RBFOX1: variants seen among roughly 807,000 people sequenced by gnomAD.
RBFOX1 encodes the protein RNA binding protein fox-1 homolog 1.
RBFOX1 carries 8 observed loss-of-function variants against 57.7 expected under a neutral mutation model. The observed-to-expected ratio is 0.14, with a 90% confidence interval of 0.08 to 0.25. The LOEUF is 0.25. Ranked by LOEUF, RBFOX1 falls within the 10% of genes least tolerant of loss-of-function variation. RBFOX1 has a pLI of 1.00. For missense variants in RBFOX1, 611 were observed against 548.5 expected, an observed-to-expected ratio of 1.11 and a Z score of -1.14; for synonymous variants, 326 against 222.4, an observed-to-expected ratio of 1.47 and a Z score of -4.15.
chr16:7,573,366 G>A (rs903446166), intron 5 of RBFOX1, among the ~76,000 whole-genome samples: 1 of 152,116 alleles, frequency 6.6e-6, no homozygotes, highest in African/African-American at 2.4e-5. Context: ...CCAGGTTGGA[G>A]ACCACTGAGA....
chr16:6,730,970 G>A (rs1056646053), intron 3 of RBFOX1, among the ~76,000 whole-genome samples: 1 of 152,138 alleles, frequency 6.6e-6, no homozygotes, highest in Non-Finnish European at 1.5e-5. Flanking sequence ...ACAGCAGTGA[G>A]GAAACACTGC....
At chr16:6,704,027 C>G (rs1174026017) in intron 3 of RBFOX1, 1 of 152,382 alleles carries the variant, frequency 6.6e-6, no homozygotes, top group East Asian at 1.9e-4. Context: ...TACTTCCTTG[C>G]TCTCCATCTA....
chr16:7,510,900 C>A (rs1406736017), intron 4 of RBFOX1, among the ~76,000 whole-genome samples: 1 of 152,154 alleles, frequency 6.6e-6, no homozygotes, highest in Non-Finnish European at 1.5e-5. Context: ...TTGACAATTC[C>A]TGTGCATGTC....
intron 4 of RBFOX1, among the ~76,000 whole-genome samples, chr16:7,435,884 G>A (rs777118926): frequency 6.6e-6 from 1 of 152,188 alleles, no homozygotes; most frequent in African/African-American, 2.4e-5. Context: ...GTATGTGTGT[G>A]TGTGTTTTCC....
At chr16:7,275,611 A>G (rs534802141) in intron 4 of RBFOX1, among the ~76,000 whole-genome samples, 1 of 151,592 alleles carries the variant, frequency 6.6e-6, no homozygotes, top group East Asian at 1.9e-4. Flanking sequence ...TTTAGATGGT[A>G]GGTTGGATTG....
At chr16:6,886,342 G>T (rs942226925) in intron 3 of RBFOX1, among the ~76,000 whole-genome samples, 1 of 152,010 alleles carries the variant, frequency 6.6e-6, no homozygotes, top group African/African-American at 2.4e-5. Context: ...GATTACTGGC[G>T]TGAGTCACTG....
At chr16:5,905,380 A>C (rs1437821726) in intron 4 of RBFOX1, among the ~76,000 whole-genome samples, 1 of 151,976 alleles carries the variant, frequency 6.6e-6, no homozygotes, top group African/African-American at 2.4e-5. Flanking sequence ...AGGAGAGATG[A>C]TTAGGACACA....
intron 1 of RBFOX1, among the ~76,000 whole-genome samples, chr16:6,041,910 C>G (rs1026428720): frequency 2.0e-5 from 3 of 152,130 alleles, no homozygotes; most frequent in Non-Finnish European, 4.4e-5. Flanking sequence ...TGTGTTCTCA[C>G]TTGCAATCAT....
intron 4 of RBFOX1, among the ~76,000 whole-genome samples, chr16:7,199,931 A>G (rs2087873429): frequency 6.6e-6 from 1 of 151,376 alleles, no homozygotes; most frequent in South Asian, 2.1e-4. Context: ...CAACAACAAC[A>G]AAGAAATTAG....
At chr16:5,603,744 GT>G (rs2047450300), downstream of RBFOX1, among the ~76,000 whole-genome samples, 1 of 152,196 alleles carries the variant, frequency 6.6e-6, no homozygotes, top group South Asian at 2.1e-4. Context: ...AAACATTGCA[GT>G]CATCTGTGAT....
chr16:5,805,464 G>A (rs1471436470), intron 3 of RBFOX1, among the ~76,000 whole-genome samples: 1 of 152,156 alleles, frequency 6.6e-6, no homozygotes, highest in Non-Finnish European at 1.5e-5. Context: ...CTTTAGAATT[G>A]TATTTCAGGG....
chr16:6,081,794 C>G (rs2096005643), intron 1 of RBFOX1, among the ~76,000 whole-genome samples: 1 of 152,190 alleles, frequency 6.6e-6, no homozygotes, highest in Non-Finnish European at 1.5e-5. Context: ...GTGTGCCTCT[C>G]TTTCCATTGT....
chr16:5,763,702 A>G (rs547968490), intron 3 of RBFOX1, among the ~76,000 whole-genome samples: 2 of 152,298 alleles, frequency 1.3e-5, no homozygotes, highest in East Asian at 3.9e-4. Context: ...TTTAGCCCCA[A>G]CGATCAGCAG....
intron 3 of RBFOX1, among the ~76,000 whole-genome samples, chr16:7,008,104 A>G (rs568157848): frequency 1.3e-5 from 2 of 152,242 alleles, no homozygotes; most frequent in East Asian, 3.9e-4. Flanking sequence ...CTTGCCCTTT[A>G]TTGTTTCATG....
At chr16:7,500,622 A>G (rs555357088) in intron 4 of RBFOX1, among the ~76,000 whole-genome samples, 1 of 152,196 alleles carries the variant, frequency 6.6e-6, no homozygotes, top group African/African-American at 2.4e-5. Flanking sequence ...ATATCACTAG[A>G]TATGATTTGG....
chr16:5,749,628 A>T (rs552462352), intron 3 of RBFOX1, among the ~76,000 whole-genome samples: 8 of 152,270 alleles, frequency 5.3e-5, no homozygotes, highest in African/African-American at 1.9e-4. Context: ...ATCTTCAATC[A>T]CTGATACCCT....
chr16:5,977,881 G>C lies in RBFOX1; in HGVS notation c.351+110546G>C, dbSNP rs565799809. On this transcript the variant is annotated intron_variant, in intron 4 of 19. Coordinates refer to the RBFOX1 transcript ENST00000641259. The stretch of plus-strand genomic sequence containing the variant: ...TGAGTCGAAATTTATGAACATCACA[G>C]GCTTAGACAGTTTTTTTGACTGTTC... Among the ~76,000 whole-genome samples the C allele has an allele frequency of 1.8e-3, 274 of 152,066 alleles. 2 individuals are homozygous for C. Among genetic ancestry groups the C allele is most frequent in the Non-Finnish European group, 3.5e-4 (24 of 68,000 alleles).
At chr16:6,990,916 C>G (rs899729979) in intron 3 of RBFOX1, among the ~76,000 whole-genome samples, 1 of 151,994 alleles carries the variant, frequency 6.6e-6, no homozygotes, top group Non-Finnish European at 1.5e-5. Context: ...AAGTGACTCT[C>G]GCAATTTATT....
At chr16:7,213,286 C>T (rs1465366790) in intron 4 of RBFOX1, among the ~76,000 whole-genome samples, 1 of 152,148 alleles carries the variant, frequency 6.6e-6, no homozygotes, top group Non-Finnish European at 1.5e-5. Context: ...AACACATTCG[C>T]TGAGGTTGCC....
Sources: gnomAD v4.1 joint callset for allele counts (sites outside exome capture counted in the v4.1 genomes callset) on GRCh38, gnomAD v4.1.1 for gene constraint, MANE v1.5 for transcripts, NCBI Gene and HGNC (gene_info 2026-07-23, HGNC 2026-07-21) for gene names.